Variants in SETBP1 observed in about 807,000 individuals in gnomAD.
SETBP1 encodes the protein SET-binding protein.
In SETBP1, 9 loss-of-function variants were observed where a neutral mutation model predicts 101.0. That is an observed-to-expected ratio of 0.09 (90% CI 0.05 to 0.16). The LOEUF is 0.16. SETBP1 is among the 10% of genes least tolerant of loss of function. SETBP1 has a pLI of 1.00. For synonymous variants in SETBP1, 818 were observed against 788.5 expected, an observed-to-expected ratio of 1.04 and a Z score of -0.63; for missense variants, 1,858 against 2,033.8, an observed-to-expected ratio of 0.91 and a Z score of 1.66.
At chr18:44,773,881 C>T (rs560657786) in intron 2 of SETBP1, among the ~76,000 whole-genome samples, 88 of 27,144 alleles carry the variant, frequency 3.2e-3, no homozygotes, top group Non-Finnish European at 6.8e-3. Flanking sequence ...TCTTTCTTCC[C>T]CCTCTCTGAC....
At chr18:44,754,826 G>A (rs1020210478) in intron 2 of SETBP1, among the ~76,000 whole-genome samples, 14 of 152,264 alleles carry the variant, frequency 9.2e-5, no homozygotes, top group African/African-American at 3.4e-4. Flanking sequence ...GATGAATTCT[G>A]TTTACGCTTA....
intron 2 of SETBP1, among the ~76,000 whole-genome samples, chr18:44,763,797 C>T (rs888856432): frequency 1.3e-5 from 2 of 152,086 alleles, no homozygotes; most frequent in East Asian, 3.9e-4. Context: ...TCTGGGACAC[C>T]GCTCTTTATT....
chr18:44,684,419 A>G (rs2068804407), intron 1 of SETBP1, among the ~76,000 whole-genome samples: 1 of 152,106 alleles, frequency 6.6e-6, no homozygotes, highest in African/African-American at 2.4e-5. Flanking sequence ...TTCCCTTTTT[A>G]CCGAACTTTC....
chr18:44,818,744 C>A (rs1409728466), intron 2 of SETBP1, among the ~76,000 whole-genome samples: 1 of 108,782 alleles, frequency 9.2e-6, no homozygotes, highest in Non-Finnish European at 2.1e-5. Flanking sequence ...AGAAAAGACA[C>A]GCACACACTC....
At chr18:44,805,974 G>C (rs967940384) in intron 2 of SETBP1, among the ~76,000 whole-genome samples, 2 of 152,164 alleles carry the variant, frequency 1.3e-5, no homozygotes, top group Non-Finnish European at 2.9e-5. Flanking sequence ...AAGTCTGGTA[G>C]ATCCTCCATG....
At chr18:44,816,730 A>G (rs2071987661) in intron 2 of SETBP1, among the ~76,000 whole-genome samples, 1 of 152,044 alleles carries the variant, frequency 6.6e-6, no homozygotes, top group Admixed American at 6.5e-5. Flanking sequence ...ACACCCCCAC[A>G]TCATACCCTC....
intron 2 of SETBP1, among the ~76,000 whole-genome samples, chr18:44,820,118 G>T (rs2072078984): frequency 6.6e-6 from 1 of 152,230 alleles, no homozygotes; most frequent in Non-Finnish European, 1.5e-5. Context: ...AGCTCAGTAG[G>T]GGGACATTCC....
intron 2 of SETBP1, among the ~76,000 whole-genome samples, chr18:44,706,401 C>A (rs183413147): frequency 6.6e-6 from 1 of 151,496 alleles, no homozygotes; most frequent in Non-Finnish European, 1.5e-5. Flanking sequence ...GCCTGCCCAA[C>A]GTAGCAAAAC....
chr18:44,965,576 A>T (rs1226103387), intron 4 of SETBP1, among the ~76,000 whole-genome samples: 1 of 152,124 alleles, frequency 6.6e-6, no homozygotes, highest in African/African-American at 2.4e-5. Flanking sequence ...GTAAGTCCAC[A>T]TCTATATATC....
In SETBP1 at chr18:44,837,890, A is replaced by G. The variant is rs150791457; in HGVS notation, c.487-31340A>G. On this transcript the variant is annotated intron_variant, in intron 2 of 5. Transcript: ENST00000649279. ...CTTACAGTCGTGGGTGTATACAGAG[A>G]CATATGCAAACACATCTCCTCTAGT... 3.6e-3 allele frequency among the ~76,000 whole-genome samples: 548 copies of G among 152,312 alleles called. 2 individuals are homozygous for G. The highest frequency in any genetic ancestry group is 0.012 in the African/African-American group (497 of 41,562).
intron 3 of SETBP1, among the ~76,000 whole-genome samples, chr18:44,893,252 A>G (rs1054699809): frequency 3.5e-4 from 53 of 152,264 alleles, no homozygotes; most frequent in African/African-American, 1.2e-3. Flanking sequence ...ACTAGATAAC[A>G]TTTACTGGCC....
chr18:44,824,435 A>G (rs2072188637), intron 2 of SETBP1, among the ~76,000 whole-genome samples: 1 of 151,988 alleles, frequency 6.6e-6, no homozygotes, highest in South Asian at 2.1e-4. Context: ...ATCTCACTCG[A>G]TTCTATTCTC....
At chr18:45,015,110 CG>C (rs1438305215) in intron 4 of SETBP1, among the ~76,000 whole-genome samples, 2 of 152,146 alleles carry the variant, frequency 1.3e-5, no homozygotes, top group Non-Finnish European at 2.9e-5. Flanking sequence ...CTAGATTTTT[CG>C]GGGTCCAAGG....
At chr18:45,060,314 C>T (rs1178865029) in intron 5 of SETBP1, among the ~76,000 whole-genome samples, 1 of 152,102 alleles carries the variant, frequency 6.6e-6, no homozygotes, top group African/African-American at 2.4e-5. Flanking sequence ...AGTTATTGCC[C>T]AATCACTCTC....
At chr18:44,949,824 GCTCATCTTTGTTTCTCT>G in intron 3 of SETBP1, 40 bp from the exon 4 acceptor site, 1 of 1,359,986 alleles carries the variant, frequency 7.4e-7, no homozygotes, top group East Asian at 2.3e-5. Flanking sequence ...GCTTCAACAT[GCTCATCTTTGTTTCTCT>G]CTCTCTGTCT....
At chr18:44,816,498 A>G (rs1599167205) in intron 2 of SETBP1, among the ~76,000 whole-genome samples, 2 of 152,032 alleles carry the variant, frequency 1.3e-5, no homozygotes, top group Admixed American at 6.5e-5. Context: ...TAAGTTTTGT[A>G]CCTCTGTGAT....
intron 2 of SETBP1, chr18:44,733,110 G>T (rs2069874659): frequency 6.6e-6 from 1 of 152,166 alleles, no homozygotes; most frequent in South Asian, 2.1e-4. Context: ...AGGGATCTTA[G>T]AGACCTCTAA....
At chr18:44,839,269 C>G (rs1315384265) in intron 2 of SETBP1, among the ~76,000 whole-genome samples, 2 of 152,150 alleles carry the variant, frequency 1.3e-5, no homozygotes, top group African/African-American at 4.8e-5. Flanking sequence ...GAAGAGCCAC[C>G]AGGGAAGTAG....
chr18:45,030,946 T>C (rs1195183152), intron 4 of SETBP1, among the ~76,000 whole-genome samples: 2 of 152,016 alleles, frequency 1.3e-5, no homozygotes, highest in African/African-American at 4.8e-5. Flanking sequence ...ATTTTGTTGA[T>C]CCTTTCAAAA....
Sources: allele counts gnomAD v4.1 joint callset (sites outside exome capture counted in the v4.1 genomes callset), GRCh38; gene constraint gnomAD v4.1.1; transcripts MANE v1.5; gene names NCBI Gene and HGNC (gene_info 2026-07-23, HGNC 2026-07-21).